The following NTNG1 variants were observed in gnomAD, a reference collection of about 807,000 sequenced individuals.
NTNG1 encodes the protein netrin G1, also known as netrin-G1.
In NTNG1, 16 loss-of-function variants were observed where a neutral mutation model predicts 54.0. The observed-to-expected ratio is 0.30, with a 90% confidence interval of 0.20 to 0.45. The LOEUF is 0.45. Ranked by LOEUF, NTNG1 falls within the 20% of genes least tolerant of loss-of-function variation. The probability of loss-of-function intolerance (pLI) is 1.00; values close to 1 mark genes in which losing one functional copy is unlikely to be tolerated. For synonymous variants in NTNG1, 255 were observed against 263.1 expected, an observed-to-expected ratio of 0.97 and a Z score of 0.30; for missense variants, 530 against 678.7, an observed-to-expected ratio of 0.78 and a Z score of 2.43.
chr1:107,417,064 A>AGAT (rs2101209962), intron 5 of NTNG1, among the ~76,000 whole-genome samples: 1 of 152,222 alleles, frequency 6.6e-6, no homozygotes, highest in South Asian at 2.1e-4. Context: ...TTGTCCTATT[A>AGAT]ATTCAATATC....
chr1:107,229,030 C>T (rs1660877066), intron 2 of NTNG1, among the ~76,000 whole-genome samples: 1 of 152,094 alleles, frequency 6.6e-6, no homozygotes, highest in Non-Finnish European at 1.5e-5. Context: ...ATGCATGAAA[C>T]ATAGCCTTGG....
intron 3 of NTNG1, among the ~76,000 whole-genome samples, chr1:107,385,659 C>T (rs1158694749): frequency 6.6e-6 from 1 of 151,514 alleles, no homozygotes; most frequent in African/African-American, 2.4e-5. Flanking sequence ...TCATTTAATG[C>T]TCCTAACAAC....
intron 2 of NTNG1, among the ~76,000 whole-genome samples, chr1:107,290,713 G>A (rs1025831172): frequency 2.0e-5 from 3 of 151,840 alleles, no homozygotes; most frequent in African/African-American, 4.8e-5. Flanking sequence ...CTAATGAACA[G>A]AAGAGACCAT....
At chr1:107,247,299 G>GT (rs1445773549) in intron 2 of NTNG1, among the ~76,000 whole-genome samples, 1 of 152,026 alleles carries the variant, frequency 6.6e-6, no homozygotes, top group Non-Finnish European at 1.5e-5. Flanking sequence ...TCTTTCAGTC[G>GT]TAAGTTTAAA....
chr1:107,389,213 T>A (rs897309020), intron 3 of NTNG1, among the ~76,000 whole-genome samples: 1 of 152,210 alleles, frequency 6.6e-6, no homozygotes, highest in African/African-American at 2.4e-5. Context: ...TCATGGTGAA[T>A]CCTCCTATGG....
At chr1:107,350,835 T>C (rs1338371546) in intron 3 of NTNG1, among the ~76,000 whole-genome samples, 2 of 152,156 alleles carry the variant, frequency 1.3e-5, no homozygotes, top group Non-Finnish European at 2.9e-5. Flanking sequence ...TGCCAGGGGA[T>C]GGGAGGTGGA....
intron 2 of NTNG1, among the ~76,000 whole-genome samples, chr1:107,234,440 T>C (rs971687060): frequency 3.9e-5 from 6 of 152,012 alleles, no homozygotes; most frequent in Admixed American, 1.3e-4. Flanking sequence ...AGTTTTTTTT[T>C]CGGAAATGTA....
intron 3 of NTNG1, among the ~76,000 whole-genome samples, chr1:107,368,908 G>A (rs368365907): frequency 1.3e-5 from 2 of 152,094 alleles, no homozygotes; most frequent in African/African-American, 4.8e-5. Context: ...GTATACATCC[G>A]TGAAGCCATC....
At chr1:107,176,391 T>C (rs760189740) in intron 2 of NTNG1, among the ~76,000 whole-genome samples, 22 of 152,310 alleles carry the variant, frequency 1.4e-4, no homozygotes, top group Non-Finnish European at 3.2e-4. Context: ...GAACACAAGA[T>C]GCTTTGGAGG....
At chr1:107,234,096 A>G (rs776092063) in intron 2 of NTNG1, among the ~76,000 whole-genome samples, 2 of 152,128 alleles carry the variant, frequency 1.3e-5, no homozygotes, top group Non-Finnish European at 2.9e-5. Context: ...TACATCTAAT[A>G]GCATAATGAC....
At chr1:107,272,537 C>T (rs1271707608) in intron 2 of NTNG1, among the ~76,000 whole-genome samples, 1 of 152,110 alleles carries the variant, frequency 6.6e-6, no homozygotes, top group Admixed American at 6.5e-5. Flanking sequence ...CCCACAGGTA[C>T]GTGGCGCAAG....
intron 2 of NTNG1, among the ~76,000 whole-genome samples, chr1:107,286,580 G>A (rs1467951224): frequency 6.6e-6 from 1 of 152,112 alleles, no homozygotes; most frequent in East Asian, 1.9e-4. Context: ...ATGAATATTT[G>A]TTATAGCTAC....
chr1:107,239,520 G>T (rs1317490970), intron 2 of NTNG1, among the ~76,000 whole-genome samples: 1 of 152,214 alleles, frequency 6.6e-6, no homozygotes, highest in East Asian at 1.9e-4. Context: ...TTTTCTGGAG[G>T]ATTGCTGTCT....
chr1:107,430,644 G>C (rs752443260), intron 5 of NTNG1, 106 bp from the exon 6 acceptor site: 14 of 1,115,410 alleles, frequency 1.3e-5, no homozygotes, highest in Non-Finnish European at 1.9e-5. Flanking sequence ...TATATGTAAT[G>C]CCATTCCACC....
intron 2 of NTNG1, among the ~76,000 whole-genome samples, chr1:107,181,746 C>T (rs1344995129): frequency 6.6e-6 from 1 of 152,162 alleles, no homozygotes; most frequent in Non-Finnish European, 1.5e-5. Flanking sequence ...CCAAGGCTCT[C>T]TCATTACTTG....
intron 2 of NTNG1, among the ~76,000 whole-genome samples, chr1:107,312,578 A>G (rs1328611820): frequency 6.6e-6 from 1 of 152,156 alleles, no homozygotes; most frequent in Non-Finnish European, 1.5e-5. Context: ...ATGCCTCTTA[A>G]CAAACACTAT....
intron 3 of NTNG1, among the ~76,000 whole-genome samples, chr1:107,345,726 A>G (rs1443673096): frequency 6.6e-6 from 1 of 152,200 alleles, no homozygotes; most frequent in South Asian, 2.1e-4. Flanking sequence ...ACTAATCCCC[A>G]TAAGAAAAGT....
At chr1:107,430,078 C>G (rs905769079) in intron 5 of NTNG1, among the ~76,000 whole-genome samples, 2 of 152,138 alleles carry the variant, frequency 1.3e-5, no homozygotes, top group African/African-American at 4.8e-5. Flanking sequence ...TTAAAAGCAC[C>G]TTTTCGCACA....
At chr1:107,397,773 C>T (rs549394799) in intron 4 of NTNG1, among the ~76,000 whole-genome samples, 2 of 149,470 alleles carry the variant, frequency 1.3e-5, no homozygotes, top group Admixed American at 6.7e-5. Context: ...GGAAGTATAT[C>T]GACCCTGGCT....
Sources: gnomAD v4.1 joint callset for allele counts (sites outside exome capture counted in the v4.1 genomes callset) on GRCh38, gnomAD v4.1.1 for gene constraint, MANE v1.5 for transcripts, NCBI Gene and HGNC (gene_info 2026-07-23, HGNC 2026-07-21) for gene names.